YJU2B: variants seen among roughly 807,000 people sequenced by gnomAD.
YJU2B encodes probable splicing factor YJU2B.
A neutral mutation model predicts 38.0 loss-of-function variants in YJU2B; 18 were observed. That is an observed-to-expected ratio of 0.47 (90% confidence interval 0.33 to 0.70). YJU2B has a LOEUF of 0.70. Ranked by LOEUF, YJU2B falls within the 30% of genes least tolerant of loss-of-function variation. The probability of loss-of-function intolerance (pLI) is 0.02; values close to 1 mark genes in which losing one functional copy is unlikely to be tolerated. For synonymous variants in YJU2B, 246 were observed against 225.4 expected (o/e 1.09, Z -0.82); for missense variants, 538 against 556.3 (o/e 0.97, Z 0.33).
upstream of YJU2B, among the ~76,000 whole-genome samples, chr19:13,747,033 TA>T (rs34319911): frequency 8.6e-5 from 13 of 151,828 alleles, no homozygotes; most frequent in African/African-American, 2.4e-5. Flanking sequence ...GTTAAGCAAA[TA>T]AAAAAGTCTT....
intron 8 of YJU2B, 74 bp from the exon 9 acceptor site, chr19:13,762,225 C>A: frequency 6.6e-7 from 1 of 1,514,502 alleles, no homozygotes; most frequent in Non-Finnish European, 8.9e-7. Flanking sequence ...AGAGTTGGAG[C>A]AGTGCCCCCT....
At chr19:13,744,676 A>G (rs544415284), upstream of YJU2B, among the ~76,000 whole-genome samples, 1 of 152,048 alleles carries the variant, frequency 6.6e-6, no homozygotes, top group South Asian at 2.1e-4. Context: ...CCCATTCTCA[A>G]ACACCCTACC....
chr19:13,753,881 T>C (rs1973565506), intron 2 of YJU2B, among the ~76,000 whole-genome samples: 1 of 152,028 alleles, frequency 6.6e-6, no homozygotes, highest in African/African-American at 2.4e-5. Context: ...GTGGGGATTA[T>C]GGGAACTACA....
rs1268011105 is a variant in YJU2B at position 13,762,614 on chromosome 19, A to G, written c.737A>G (p.Lys246Arg). ...LDSYEDKQKLKRTEIISRSWF... is the reference protein window; with the variant it reads ...LDSYEDKQKLRRTEIISRSWF... ...GCCTACGAGGACAAGCAGAAACTCAAGCGGACCGAGATCATCAGCCGCTCC... is the reference window on the plus strand; with the variant it reads ...GCCTACGAGGACAAGCAGAAACTCAGGCGGACCGAGATCATCAGCCGCTCC... The change falls in exon 10 of 10, where the codon AAG (lysine) becomes AGG (arginine). Residue 246 changes from lysine to arginine, a missense_variant. Lys to Arg is a conservative substitution (Grantham distance 26). Coordinates refer to ENST00000221554, the MANE Select transcript of YJU2B (RefSeq NM_030818.4). 20 of 1,528,034 alleles carry G rather than the reference A, an allele frequency of 1.3e-5. No individual in the cohort carries two copies. In the Admixed American group the frequency reaches 3.9e-4, roughly 30 times the overall value. The allele number at this position is 1,528,034 out of a possible 1,614,324, so 94.7% of individuals were successfully genotyped here. A position where few individuals can be genotyped will look rare whatever the true frequency, so the allele number is the denominator to read the frequency against.
At chr19:13,744,268 T>C (rs77501711), upstream of YJU2B, among the ~76,000 whole-genome samples, 1,726 of 152,282 alleles carry the variant, frequency 0.011, 29 homozygotes, top group African/African-American at 0.04. Flanking sequence ...TTAAAAATTT[T>C]GAGTCAGTAG....
intron 5 of YJU2B, 39 bp downstream of exon 5, chr19:13,757,512 T>G: frequency 7.1e-7 from 1 of 1,410,912 alleles, no homozygotes; most frequent in Non-Finnish European, 1.0e-6. Flanking sequence ...CCTGCAAACA[T>G]CAGACCCCCT....
intron 5 of YJU2B, 40 bp from the exon 6 acceptor site, chr19:13,757,746 A>T: frequency 6.3e-7 from 1 of 1,594,912 alleles, no homozygotes; most frequent in Non-Finnish European, 8.6e-7. Context: ...CAAAATTCAG[A>T]TGGCAATGAA....
At chr19:13,738,741 T>C (rs983980143) in intron 2 of YJU2B, among the ~76,000 whole-genome samples, 34 of 151,376 alleles carry the variant, frequency 2.2e-4, no homozygotes, top group Admixed American at 2.2e-3. Context: ...AATACAAAAA[T>C]TAGCCGGGCA....
At chr19:13,751,547 A>T (rs1973464552) in intron 1 of YJU2B, 61 bp from the exon 2 acceptor site, 1 of 493,962 alleles carries the variant, frequency 2.0e-6, no homozygotes, top group Non-Finnish European at 3.6e-6. Flanking sequence ...GAGGGATGAA[A>T]GTGTCAGATG....
intron 1 of YJU2B, among the ~76,000 whole-genome samples, chr19:13,749,910 G>A (rs1388837768): frequency 6.6e-6 from 1 of 152,168 alleles, no homozygotes; most frequent in Non-Finnish European, 1.5e-5. Flanking sequence ...TGGGATTACA[G>A]GCGTGAAGAA....
upstream of YJU2B, among the ~76,000 whole-genome samples, chr19:13,746,397 C>T (rs1009193894): frequency 3.3e-5 from 5 of 152,238 alleles, no homozygotes; most frequent in Non-Finnish European, 5.9e-5. Context: ...CTCTCTTCCT[C>T]TGTGGCAACC....
chr19:13,735,332 G>T (rs1373852878), intron 2 of YJU2B, among the ~76,000 whole-genome samples: 1 of 152,118 alleles, frequency 6.6e-6, no homozygotes, highest in Non-Finnish European at 1.5e-5. Flanking sequence ...CAGGAGACTT[G>T]AGTCTGTTGC....
Position 13,763,142 on chromosome 19 carries a change from A to AC in YJU2B, c.*79dup. 7.7e-7 allele frequency: 1 copy of AC among 1,302,314 alleles called. No individual in the cohort carries two copies. The highest frequency in any genetic ancestry group is 1.0e-6 in the Non-Finnish European group (1 of 954,474). The allele number at this position is 1,302,314 out of a possible 1,614,324, so 80.7% of individuals were successfully genotyped here. On this transcript the variant is annotated 3_prime_UTR_variant, in exon 10 of 10. Coordinates refer to ENST00000221554, the MANE Select transcript of YJU2B (RefSeq NM_030818.4). ...CCAGGAGGCCCCTCACAGACTGCAGACCCCCGGCTCGCCCACCAGCCCTGG... is the reference window on the plus strand; with the variant it reads ...CCAGGAGGCCCCTCACAGACTGCAGACCCCCCGGCTCGCCCACCAGCCCTGG...
In YJU2B at chr19:13,763,136, C is replaced by G. The variant is rs1973987319; in HGVS notation, c.*68C>G. On this transcript the variant is annotated 3_prime_UTR_variant, in exon 10 of 10. Transcript: ENST00000221554. ...ACACACCCAGGAGGCCCCTCACAGACTGCAGACCCCCGGCTCGCCCACCAG... is the reference window on the plus strand; with the variant it reads ...ACACACCCAGGAGGCCCCTCACAGAGTGCAGACCCCCGGCTCGCCCACCAG... 1 of 1,344,246 alleles carries G rather than the reference C, an allele frequency of 7.4e-7. No homozygotes were observed. The highest frequency in any genetic ancestry group is 1.0e-6 in the Non-Finnish European group (1 of 988,190). The allele number at this position is 1,344,246 out of a possible 1,614,324, so 83.3% of individuals were successfully genotyped here.
chr19:13,748,642 T>A (rs546594780), intron 1 of YJU2B, among the ~76,000 whole-genome samples: 3 of 152,268 alleles, frequency 2.0e-5, no homozygotes, highest in Admixed American at 6.5e-5. Flanking sequence ...GTTAGTTGAT[T>A]CACAGCATCC....
chr19:13,761,588 T>C (rs189749433), intron 8 of YJU2B: 4 of 152,182 alleles, frequency 2.6e-5, no homozygotes, highest in Admixed American at 6.6e-5. Flanking sequence ...CCAGAAATAT[T>C]TGTGGGATGA....
chr19:13,751,715 A>G lies in YJU2B; in HGVS notation c.-94A>G, dbSNP rs979450385. ...CAGGGAAGCCTGTGGACCCTCTGCC[A>G]GGCTCCACAAGAGGTCAGGACAGTG... On this transcript the variant is annotated 5_prime_UTR_variant, in exon 2 of 10. Coordinates refer to ENST00000221554, the MANE Select transcript of YJU2B (RefSeq NM_030818.4). 89 of 1,374,036 alleles carry G rather than the reference A, an allele frequency of 6.5e-5. No individual in the cohort carries two copies. The highest frequency in any genetic ancestry group is 1.8e-4 in the Middle Eastern group (1 of 5,580). 85.1% of individuals were successfully genotyped at this position (1,374,036 alleles called of 1,614,324 possible).
intron 3 of YJU2B, among the ~76,000 whole-genome samples, chr19:13,755,870 A>G (rs1025083445): frequency 3.3e-5 from 5 of 152,076 alleles, no homozygotes; most frequent in Non-Finnish European, 7.4e-5. Flanking sequence ...AGGCAGGAGA[A>G]TCACTTGAAC....
At chr19:13,741,445 G>A (rs1366898021) in intron 2 of YJU2B, among the ~76,000 whole-genome samples, 1 of 151,944 alleles carries the variant, frequency 6.6e-6, no homozygotes, top group Non-Finnish European at 1.5e-5. Context: ...GAGCCACCAT[G>A]CCTGGCCAGA....
Sources: allele counts gnomAD v4.1 joint callset (sites outside exome capture counted in the v4.1 genomes callset), GRCh38; gene constraint gnomAD v4.1.1; transcripts MANE v1.5; gene names NCBI Gene and HGNC (gene_info 2026-07-23, HGNC 2026-07-21).